SLC41A2: variants seen among roughly 807,000 people sequenced by gnomAD.
SLC41A2 encodes the protein solute carrier family 41 member 2.
SLC41A2 carries 32 observed loss-of-function variants against 58.3 expected under a neutral mutation model. That is an observed-to-expected ratio of 0.55 (90% CI 0.41 to 0.74). The LOEUF (loss-of-function observed/expected upper bound fraction) is 0.74. Among genes scored for constraint, SLC41A2 ranks in the 30% least tolerant of loss-of-function variants. SLC41A2 has a pLI of 0.00. For synonymous variants in SLC41A2, 190 were observed against 235.0 expected, an observed-to-expected ratio of 0.81 and a Z score of 1.75; for missense variants, 514 against 680.6, an observed-to-expected ratio of 0.76 and a Z score of 2.72.
rs753206988 is a variant in SLC41A2, at chr12:104,909,748, G to A, written c.570C>T (p.Phe190=). Residue 190 remains phenylalanine (F), a synonymous_variant, in exon 3 of 11, where the codon TTC becomes TTT. Coordinates refer to ENST00000258538, the MANE Select transcript of SLC41A2 (RefSeq NM_001352171.3). ...AAATGAAAACTTCTGTAACTTTTCTGAACACCTCCCAGTGCTGTAAGAAAA... is the reference window on the plus strand; with the variant it reads ...AAATGAAAACTTCTGTAACTTTTCTAAACACCTCCCAGTGCTGTAAGAAAA... ...VLDIVQHWEV[F]RKVTEVFILV... The A allele has an allele frequency of 2.5e-6, 4 of 1,605,424 alleles. No homozygotes were observed. The African/African-American group carries it at 4.0e-5, about 16-fold the overall frequency.
chr12:104,869,554 G>A (rs1419664192), intron 6 of SLC41A2, among the ~76,000 whole-genome samples: 1 of 152,086 alleles, frequency 6.6e-6, no homozygotes, highest in Non-Finnish European at 1.5e-5. Context: ...TTTGTTAAAT[G>A]TTAAAAAGGT....
intron 7 of SLC41A2, among the ~76,000 whole-genome samples, chr12:104,862,966 A>G (rs2043264599): frequency 6.6e-6 from 1 of 151,714 alleles, no homozygotes; most frequent in South Asian, 2.1e-4. Flanking sequence ...CATGTTGTAC[A>G]ATAAATCTCT....
rs369085413 is a variant in SLC41A2, at chr12:104,932,040, C to CA, written c.-167-3347dup. On this transcript the variant is annotated intron_variant, in intron 1 of 10. Transcript: ENST00000258538. ...GAATGACCTTGATACAAGTATATGC[C>CA]ACAGACCACATATCACCATCATGCA... 8.7e-4 allele frequency among the ~76,000 whole-genome samples: 133 copies of CA among 152,230 alleles called. 1 individual carries two copies. In the Middle Eastern group the frequency reaches 0.014, roughly 16 times the overall value.
chr12:104,817,256 T>TA (rs1172641145), intron 10 of SLC41A2, among the ~76,000 whole-genome samples: 1 of 152,188 alleles, frequency 6.6e-6, no homozygotes, highest in East Asian at 1.9e-4. Flanking sequence ...GTAGGGCACT[T>TA]ACCATGAATG....
At chr12:104,881,962 AG>A (rs2044392909) in intron 6 of SLC41A2, among the ~76,000 whole-genome samples, 1 of 152,132 alleles carries the variant, frequency 6.6e-6, no homozygotes, top group Non-Finnish European at 1.5e-5. Flanking sequence ...GTCTCTTTGT[AG>A]GTCTCTCAGG....
At chr12:104,935,030 C>G (rs1195184421) in intron 1 of SLC41A2, among the ~76,000 whole-genome samples, 2 of 152,036 alleles carry the variant, frequency 1.3e-5, no homozygotes, top group African/African-American at 4.8e-5. Context: ...CGATCTTGGC[C>G]CACTGCAACC....
rs776188800 is a variant in SLC41A2, at chr12:104,861,371, CT to C, written c.1176-2del. Reference sequence around the variant, plus strand: ...TGTGTCCAGAATAAGGCCCCCAATGCTGAAAGAGATAAAATTATATAATTTA... The same window carrying C: ...TGTGTCCAGAATAAGGCCCCCAATGCGAAAGAGATAAAATTATATAATTTA... On this transcript the variant is annotated splice_acceptor_variant, in intron 7 of 10. Transcript: ENST00000258538. LOFTEE classifies it high-confidence loss of function. 2.5e-6 allele frequency: 4 copies of C among 1,608,972 alleles called. No individual in the cohort carries two copies. The South Asian group carries it at 4.4e-5, about 18-fold the overall frequency.
chr12:104,928,853 G>A (rs1166733681), intron 1 of SLC41A2, among the ~76,000 whole-genome samples, 159 bp from the exon 2 acceptor site: 1 of 152,096 alleles, frequency 6.6e-6, no homozygotes, highest in Non-Finnish European at 1.5e-5. Flanking sequence ...TAACTGTTTT[G>A]TGCCACACAA....
At chr12:104,921,023 G>T (rs559796377) in intron 2 of SLC41A2, among the ~76,000 whole-genome samples, 2 of 151,902 alleles carry the variant, frequency 1.3e-5, no homozygotes, top group East Asian at 3.9e-4. Flanking sequence ...GAGGTGGGAG[G>T]ATCACTTGAG....
intron 2 of SLC41A2, among the ~76,000 whole-genome samples, chr12:104,910,923 C>T (rs1191783165): frequency 4.6e-5 from 7 of 152,158 alleles, no homozygotes; most frequent in African/African-American, 1.7e-4. Flanking sequence ...GAGAGATTAA[C>T]TAAGAGTCTG....
intron 10 of SLC41A2, among the ~76,000 whole-genome samples, chr12:104,839,507 T>C (rs965915053): frequency 1.3e-5 from 2 of 150,144 alleles, no homozygotes; most frequent in Non-Finnish European, 3.0e-5. Context: ...TTTCTTTTTT[T>C]TTTCTTTTTT....
chr12:104,853,152 G>A (rs970457110), intron 8 of SLC41A2, among the ~76,000 whole-genome samples: 1 of 152,014 alleles, frequency 6.6e-6, no homozygotes, highest in African/African-American at 2.4e-5. Context: ...GTTAATCTAG[G>A]GACTGTTTTA....
chr12:104,914,995 G>GT (rs1423368999), intron 2 of SLC41A2, among the ~76,000 whole-genome samples: 2 of 152,222 alleles, frequency 1.3e-5, no homozygotes, highest in African/African-American at 4.8e-5. Flanking sequence ...CCATGATCCA[G>GT]TATGTGCTCT....
intron 1 of SLC41A2, among the ~76,000 whole-genome samples, chr12:104,944,823 T>C (rs1346515554): frequency 6.6e-6 from 1 of 151,882 alleles, no homozygotes; most frequent in Non-Finnish European, 1.5e-5. Flanking sequence ...CATAGAGTTC[T>C]CTTCTATTGT....
At chr12:104,883,569 T>A (rs932440693) in intron 6 of SLC41A2, among the ~76,000 whole-genome samples, 1 of 152,214 alleles carries the variant, frequency 6.6e-6, no homozygotes, top group African/African-American at 2.4e-5. Context: ...CTTCTAACAG[T>A]CAGGACCCTC....
intron 4 of SLC41A2, among the ~76,000 whole-genome samples, chr12:104,893,856 G>C (rs1368433454): frequency 6.6e-6 from 1 of 152,128 alleles, no homozygotes; most frequent in African/African-American, 2.4e-5. Context: ...CTAGAGGCTG[G>C]GAAGGGTAGT....
chr12:104,835,501 T>C (rs2042178314), intron 10 of SLC41A2, among the ~76,000 whole-genome samples: 1 of 152,214 alleles, frequency 6.6e-6, no homozygotes, highest in South Asian at 2.1e-4. Context: ...CTAATGCTAC[T>C]CCTTTTAGCT....
chr12:104,954,123 G>A (rs2048059342), intron 1 of SLC41A2, among the ~76,000 whole-genome samples: 2 of 152,078 alleles, frequency 1.3e-5, no homozygotes, highest in Admixed American at 1.3e-4. Context: ...ACTTTTAGAA[G>A]TAGGGCAAAC....
intron 3 of SLC41A2, among the ~76,000 whole-genome samples, chr12:104,898,463 T>C (rs1186452349): frequency 1.3e-5 from 2 of 151,592 alleles, no homozygotes; most frequent in Non-Finnish European, 2.9e-5. Context: ...AAAATATGTT[T>C]AATGAATAAA....
Sources: gnomAD v4.1 joint callset for allele counts (sites outside exome capture counted in the v4.1 genomes callset) on GRCh38, gnomAD v4.1.1 for gene constraint, MANE v1.5 for transcripts, NCBI Gene and HGNC (gene_info 2026-07-23, HGNC 2026-07-21) for gene names.